MOCOS: variants seen among roughly 807,000 people sequenced by gnomAD.
MOCOS encodes human molybdenum cofactor sulfurase.
MOCOS carries 86 observed loss-of-function variants against 83.6 expected under a neutral mutation model. That is an observed-to-expected ratio of 1.03 (90% CI 0.86 to 1.23). MOCOS has a LOEUF of 1.23. Among genes scored for constraint, MOCOS ranks in the 50% most tolerant of loss-of-function variants. The pLI is 0.00. For synonymous variants in MOCOS, 445 were observed against 434.7 expected, an observed-to-expected ratio of 1.02 and a Z score of -0.29; for missense variants, 1,120 against 1,126.9, an observed-to-expected ratio of 0.99 and a Z score of 0.09.
At chr18:36,241,447 C>T (rs1441102128) in intron 9 of MOCOS, among the ~76,000 whole-genome samples, 1 of 152,234 alleles carries the variant, frequency 6.6e-6, no homozygotes, top group Non-Finnish European at 1.5e-5. Flanking sequence ...CTCCATGTCT[C>T]ACATCCAGAT....
In MOCOS at chr18:36,210,272, C is replaced by G. The variant is rs115370276; in HGVS notation, c.1219-3094C>G. 4.7e-3 allele frequency among the ~76,000 whole-genome samples: 714 copies of G among 152,242 alleles called. 2 individuals carry two copies. Among genetic ancestry groups the G allele is most frequent in the African/African-American group, 0.016 (679 of 41,530 alleles). ...GTAGCCATAAACTTTCTAAAGAATACTATTGGGCAATATTCTTCTGGGGGA... is the reference window on the plus strand; with the variant it reads ...GTAGCCATAAACTTTCTAAAGAATAGTATTGGGCAATATTCTTCTGGGGGA... On this transcript the variant is annotated intron_variant, in intron 6 of 14. Coordinates refer to ENST00000261326, the MANE Select transcript of MOCOS (RefSeq NM_017947.4).
intron 9 of MOCOS, among the ~76,000 whole-genome samples, chr18:36,224,651 A>G (rs1356551655): frequency 7.5e-6 from 1 of 133,402 alleles, no homozygotes; most frequent in Non-Finnish European, 1.7e-5. Context: ...CTCATGGTGT[A>G]TGATCCTTTT....
chr18:36,235,763 C>A (rs1315857617), intron 9 of MOCOS, among the ~76,000 whole-genome samples: 4 of 148,794 alleles, frequency 2.7e-5, no homozygotes, highest in African/African-American at 7.4e-5. Flanking sequence ...TAAAAGTGTT[C>A]CTATTTCTCC....
chr18:36,221,239 T>G (rs2091494764), intron 9 of MOCOS, among the ~76,000 whole-genome samples: 1 of 152,202 alleles, frequency 6.6e-6, no homozygotes, highest in African/African-American at 2.4e-5. Context: ...TTACTTAATT[T>G]TAATTAGTTT....
rs1598599171 is a variant in MOCOS at position 36,268,863 on chromosome 18, G to T, written c.*178G>T. The T allele has an allele frequency of 6.3e-6, 4 of 638,300 alleles. No individual in the cohort carries two copies. The highest frequency in any genetic ancestry group is 5.4e-6 in the Non-Finnish European group (2 of 367,232). The allele number at this position is 638,300 out of a possible 1,614,324, so 39.5% of individuals were successfully genotyped here. On this transcript the variant is annotated 3_prime_UTR_variant, in exon 15 of 15. Coordinates refer to ENST00000261326, the MANE Select transcript of MOCOS (RefSeq NM_017947.4). ...ACTTCTCACCCTGCAAATTTGCACT[G>T]GCTGTGCTCAGGAGAGCACTTCTGA...
intron 11 of MOCOS, among the ~76,000 whole-genome samples, chr18:36,254,121 G>A (rs2091632180): frequency 6.6e-6 from 1 of 152,146 alleles, no homozygotes; most frequent in African/African-American, 2.4e-5. Flanking sequence ...GCTTGTGACT[G>A]TTTACACTTA....
chr18:36,220,182 A>G lies in MOCOS; in HGVS notation c.1925A>G (p.Asp642Gly). 1 of 1,614,128 alleles carries G rather than the reference A, an allele frequency of 6.2e-7. No individual in the cohort carries two copies. Among genetic ancestry groups the G allele is most frequent in the African/African-American group, 1.3e-5 (1 of 75,018 alleles). The change falls in exon 9 of 15, where the codon GAC becomes GGC. Residue 642 changes from aspartate to glycine, a missense_variant. Coordinates refer to ENST00000261326, the MANE Select transcript of MOCOS (RefSeq NM_017947.4). Reference sequence around the variant, plus strand: ...CTCTGCCTGATCCAGCCCTTCATCGACTTGCGGCAAAGGATCATGGTCATC... The same window carrying G: ...CTCTGCCTGATCCAGCCCTTCATCGGCTTGCGGCAAAGGATCATGGTCATC... ...PRLCLIQPFI[D>G]LRQRIMVIKA...
intron 7 of MOCOS, among the ~76,000 whole-genome samples, chr18:36,215,095 C>G (rs1009384595): frequency 6.6e-6 from 1 of 152,220 alleles, no homozygotes; most frequent in Non-Finnish European, 1.5e-5. Flanking sequence ...CAGGCCTCCC[C>G]TCAGTAATGA....
At chr18:36,219,312 G>T (rs1436344944) in intron 8 of MOCOS, among the ~76,000 whole-genome samples, 6 of 151,312 alleles carry the variant, frequency 4.0e-5, no homozygotes, top group Admixed American at 4.0e-4. Flanking sequence ...CTGATTTTTT[G>T]TATTTTTAGT....
At chr18:36,247,686 A>G (rs969312835) in intron 9 of MOCOS, among the ~76,000 whole-genome samples, 18 of 151,874 alleles carry the variant, frequency 1.2e-4, no homozygotes, top group Admixed American at 3.9e-4. Flanking sequence ...AGGTTCCCCA[A>G]TGGGGATGTG....
At chr18:36,189,458 G>GA (rs397858796) in intron 1 of MOCOS, among the ~76,000 whole-genome samples, 1 of 151,920 alleles carries the variant, frequency 6.6e-6, no homozygotes, top group Non-Finnish European at 1.5e-5. Context: ...GAGAGGGCGG[G>GA]AAAAAACAAA....
At chr18:36,208,359 A>G (rs1349423846) in intron 6 of MOCOS, among the ~76,000 whole-genome samples, 2 of 152,166 alleles carry the variant, frequency 1.3e-5, no homozygotes, top group Non-Finnish European at 2.9e-5. Flanking sequence ...TTTGATAGGA[A>G]TAACATTGAC....
chr18:36,213,108 G>A (rs2091461433), intron 6 of MOCOS, among the ~76,000 whole-genome samples: 1 of 152,212 alleles, frequency 6.6e-6, no homozygotes, highest in Admixed American at 6.5e-5. Context: ...AGCTGAGGCG[G>A]GGCTGCTCGG....
At chr18:36,203,819 G>T (rs1539834) in intron 5 of MOCOS, among the ~76,000 whole-genome samples, 14,796 of 152,246 alleles carry the variant, frequency 0.097, 901 homozygotes, top group African/African-American at 0.17. Flanking sequence ...GGAAGAGAGG[G>T]TCGCCCTGAT....
chr18:36,195,270 T>A lies in MOCOS; in HGVS notation c.156T>A (p.Leu52=), dbSNP rs898953711. 6.2e-7 allele frequency: 1 copy of A among 1,614,028 alleles called. No individual in the cohort carries two copies. The highest frequency in any genetic ancestry group is 8.5e-7 in the Non-Finnish European group (1 of 1,179,966). The change falls in exon 2 of 15, where the codon CTT becomes CTA. Residue 52 remains leucine, a synonymous_variant. Transcript: ENST00000261326. ...GTTTTCTTTCAGGAACTGTCTATCT[T>A]GACCATGCAGGTGCCACCTTGTTCT... ...EFSRLAGTVY[L]DHAGATLFSQ...
At chr18:36,201,878 G>T (rs1027793353) in intron 4 of MOCOS, among the ~76,000 whole-genome samples, 6 of 152,006 alleles carry the variant, frequency 3.9e-5, no homozygotes, top group African/African-American at 1.5e-4. Context: ...AATGAGAAAA[G>T]AATGACAGGC....
At chr18:36,268,039 G>C (rs767327263) in intron 14 of MOCOS, among the ~76,000 whole-genome samples, 2 of 152,170 alleles carry the variant, frequency 1.3e-5, no homozygotes, top group Admixed American at 1.3e-4. Flanking sequence ...CACTTGCATT[G>C]ATGGTTAACA....
chr18:36,250,229 T>A (rs1321718289), intron 10 of MOCOS, among the ~76,000 whole-genome samples: 1 of 152,222 alleles, frequency 6.6e-6, no homozygotes, highest in Non-Finnish European at 1.5e-5. Flanking sequence ...GCTGATTGCC[T>A]ACCAGTTAAC....
At chr18:36,212,304 C>T (rs547626177) in intron 6 of MOCOS, among the ~76,000 whole-genome samples, 3 of 152,306 alleles carry the variant, frequency 2.0e-5, no homozygotes, top group Admixed American at 1.3e-4. Flanking sequence ...GCCTACTTCA[C>T]AGCAAAAGTA....
Sources: gnomAD v4.1 joint callset for allele counts (sites outside exome capture counted in the v4.1 genomes callset) on GRCh38, gnomAD v4.1.1 for gene constraint, MANE v1.5 for transcripts, NCBI Gene and HGNC (gene_info 2026-07-23, HGNC 2026-07-21) for gene names.